GRM7: variants seen among roughly 807,000 people sequenced by gnomAD.
The protein encoded by GRM7 is glutamate metabotropic receptor 7, also known as metabotropic glutamate receptor 7.
A neutral mutation model predicts 84.5 loss-of-function variants in GRM7; 35 were observed. That is an observed-to-expected ratio of 0.41 (90% confidence interval 0.32 to 0.55). GRM7 has a LOEUF of 0.55. Among genes scored for constraint, GRM7 ranks in the 20% least tolerant of loss-of-function variants. The probability of loss-of-function intolerance (pLI) is 0.19; values close to 1 mark genes in which losing one functional copy is unlikely to be tolerated. For synonymous variants in GRM7, 487 were observed against 455.1 expected, an observed-to-expected ratio of 1.07 and a Z score of -0.89; for missense variants, 1,003 against 1,194.6, an observed-to-expected ratio of 0.84 and a Z score of 2.36.
At chr3:7,383,381 G>T (rs1480219358) in intron 4 of GRM7, among the ~76,000 whole-genome samples, 1 of 152,118 alleles carries the variant, frequency 6.6e-6, no homozygotes. Context: ...GATGGTTTAT[G>T]GAGGGATAGA....
intron 4 of GRM7, among the ~76,000 whole-genome samples, chr3:7,331,001 G>A (rs36088775): frequency 0.14 from 21,465 of 152,174 alleles, 1,783 homozygotes; most frequent in South Asian, 0.2. Flanking sequence ...GCCCCTGTAA[G>A]AGCTTGCTAT....
chr3:7,699,996 A>C, intron 9 of GRM7, among the ~76,000 whole-genome samples: 1 of 152,164 alleles, frequency 6.6e-6, no homozygotes, highest in East Asian at 1.9e-4. Context: ...AAGTTATTTC[A>C]AGACTGGGTG....
intron 2 of GRM7, among the ~76,000 whole-genome samples, chr3:7,289,617 A>G (rs374035459): frequency 5.9e-5 from 9 of 152,212 alleles, no homozygotes; most frequent in Non-Finnish European, 1.5e-5. Context: ...CCAAATGTCC[A>G]TCAATGATAG....
chr3:7,147,369 C>G (rs572730908), intron 2 of GRM7, among the ~76,000 whole-genome samples: 1 of 152,204 alleles, frequency 6.6e-6, no homozygotes, highest in Non-Finnish European at 1.5e-5. Flanking sequence ...TCAGGTTTCC[C>G]CATATGGATG....
At chr3:7,143,648 T>C (rs1354227935) in intron 1 of GRM7, among the ~76,000 whole-genome samples, 1 of 152,118 alleles carries the variant, frequency 6.6e-6, no homozygotes, top group African/African-American at 2.4e-5. Flanking sequence ...GAAAATGCAT[T>C]GCATTGGGGC....
intron 7 of GRM7, among the ~76,000 whole-genome samples, chr3:7,504,225 G>C (rs953421224): frequency 6.6e-6 from 1 of 152,134 alleles, no homozygotes; most frequent in East Asian, 1.9e-4. Context: ...AGAATAAGGA[G>C]AGACCAGGGC....
chr3:7,738,694 A>T (rs568430374), intron 9 of GRM7, among the ~76,000 whole-genome samples: 3 of 150,800 alleles, frequency 2.0e-5, no homozygotes, highest in African/African-American at 7.3e-5. Context: ...GGTCTCAGGT[A>T]TTTAGGTCAG....
chr3:7,167,704 T>C (rs1694844428), intron 2 of GRM7, among the ~76,000 whole-genome samples: 3 of 152,008 alleles, frequency 2.0e-5, no homozygotes, highest in South Asian at 2.1e-4. Flanking sequence ...GCACGGGGGC[T>C]CACGCCTGTA....
At chr3:7,004,693 A>C (rs148680426) in intron 1 of GRM7, among the ~76,000 whole-genome samples, 109 of 152,352 alleles carry the variant, frequency 7.2e-4, no homozygotes, top group East Asian at 9.6e-4. Context: ...CAAAGATTGT[A>C]ACAGCTCTTT....
intron 8 of GRM7, among the ~76,000 whole-genome samples, chr3:7,656,659 A>T (rs186101161): frequency 4.1e-4 from 63 of 152,122 alleles, no homozygotes; most frequent in African/African-American, 1.4e-3. Flanking sequence ...CTCTGGGAAC[A>T]TCAGCATTCA....
intron 1 of GRM7, among the ~76,000 whole-genome samples, chr3:6,984,275 T>G (rs1694316861): frequency 6.6e-6 from 1 of 152,206 alleles, no homozygotes; most frequent in Non-Finnish European, 1.5e-5. Context: ...ATTATTATCC[T>G]TATTATTGTA....
At chr3:7,728,964 T>G (rs1702220049) in intron 9 of GRM7, among the ~76,000 whole-genome samples, 2 of 152,002 alleles carry the variant, frequency 1.3e-5, no homozygotes, top group African/African-American at 4.8e-5. Context: ...AATTGGCACC[T>G]CCTACCTATG....
At chr3:7,110,590 G>GTC (rs1304936773) in intron 1 of GRM7, among the ~76,000 whole-genome samples, 20 of 108,640 alleles carry the variant, frequency 1.8e-4, no homozygotes, top group Admixed American at 1.8e-3. Context: ...GCGATACTCT[G>GTC]TCACACACAC....
At chr3:7,443,614 T>C (rs1345996843) in intron 5 of GRM7, among the ~76,000 whole-genome samples, 1 of 152,204 alleles carries the variant, frequency 6.6e-6, no homozygotes, top group Non-Finnish European at 1.5e-5. Context: ...GCATTTCCTG[T>C]AAATTAATAC....
At chr3:6,886,851 C>A (rs1315861026) in intron 1 of GRM7, among the ~76,000 whole-genome samples, 1 of 151,642 alleles carries the variant, frequency 6.6e-6, no homozygotes, top group African/African-American at 2.4e-5. Flanking sequence ...ATATATAATT[C>A]ATTTAATCTA....
intron 1 of GRM7, among the ~76,000 whole-genome samples, chr3:7,096,221 C>T (rs1198250796): frequency 6.6e-6 from 1 of 152,076 alleles, no homozygotes; most frequent in Admixed American, 6.6e-5. Flanking sequence ...TATGGCAGTA[C>T]ACCTAGTGAT....
intron 4 of GRM7, among the ~76,000 whole-genome samples, chr3:7,352,646 C>A (rs12491620): frequency 6.6e-6 from 1 of 152,008 alleles, no homozygotes; most frequent in African/African-American, 2.4e-5. Context: ...AGAATGGACT[C>A]TTGCAAGAGA....
At chr3:7,090,713 T>C (rs1559432940) in intron 1 of GRM7, among the ~76,000 whole-genome samples, 1 of 152,240 alleles carries the variant, frequency 6.6e-6, no homozygotes, top group Non-Finnish European at 1.5e-5. Flanking sequence ...CCATTGGTTA[T>C]ATTTAAGGAA....
rs137901908 is a variant in GRM7, at chr3:7,235,800, A to G, written c.737-62884A>G. Reference sequence around the variant, plus strand: ...TTTTTCTTTATCCAGAATTAAGTCTATTTTTCACTTGTGAGAGAAATAAAA... The same window carrying G: ...TTTTTCTTTATCCAGAATTAAGTCTGTTTTTCACTTGTGAGAGAAATAAAA... On this transcript the variant is annotated intron_variant, in intron 2 of 9. Coordinates refer to ENST00000357716, the MANE Select transcript of GRM7 (RefSeq NM_000844.4). Among the ~76,000 whole-genome samples the G allele has an allele frequency of 2.3e-4, 35 of 152,268 alleles. No individual in the cohort carries two copies. In the East Asian group the frequency reaches 5.6e-3, roughly 24 times the overall value.
Sources: allele counts gnomAD v4.1 joint callset (sites outside exome capture counted in the v4.1 genomes callset), GRCh38; gene constraint gnomAD v4.1.1; transcripts MANE v1.5; gene names NCBI Gene and HGNC (gene_info 2026-07-23, HGNC 2026-07-21).